The following RALGAPB variants were observed in gnomAD, a reference collection of about 807,000 sequenced individuals.
RALGAPB encodes the protein ral GTPase-activating protein subunit beta.
A neutral mutation model predicts 161.1 loss-of-function variants in RALGAPB; 25 were observed. The observed-to-expected ratio is 0.16, with a 90% CI of 0.11 to 0.22. The LOEUF (loss-of-function observed/expected upper bound fraction) is 0.22, where lower values mean the gene tolerates loss of function less well. RALGAPB is among the 10% of genes least tolerant of loss of function. The probability of loss-of-function intolerance (pLI) is 1.00; values close to 1 mark genes in which losing one functional copy is unlikely to be tolerated. For synonymous variants in RALGAPB, 629 were observed against 626.1 expected, an observed-to-expected ratio of 1.00 and a Z score of -0.07; for missense variants, 1,391 against 1,815.2, an observed-to-expected ratio of 0.77 and a Z score of 4.25.
At chr20:38,478,791 T>A (rs2084880487) in intron 1 of RALGAPB, among the ~76,000 whole-genome samples, 1 of 152,024 alleles carries the variant, frequency 6.6e-6, no homozygotes, top group Non-Finnish European at 1.5e-5. Context: ...TAATTTTGTA[T>A]TTTTAGTAGA....
chr20:38,475,119 T>C (rs980905222), intron 1 of RALGAPB, among the ~76,000 whole-genome samples: 7 of 152,214 alleles, frequency 4.6e-5, no homozygotes, highest in African/African-American at 1.7e-4. Context: ...GACGCAATCA[T>C]GTCTGTAGGG....
At chr20:38,515,608 C>A (rs1357598841) in intron 6 of RALGAPB, among the ~76,000 whole-genome samples, 3 of 151,968 alleles carry the variant, frequency 2.0e-5, no homozygotes, top group Non-Finnish European at 4.4e-5. Context: ...TAACACTAAT[C>A]CTGATTTTCA....
rs1368725442 is a variant in RALGAPB, at chr20:38,577,568, G to C, written c.*2601G>C. The C allele has an allele frequency of 6.6e-6, 1 of 152,018 alleles. No homozygotes were observed. Among genetic ancestry groups the C allele is most frequent in the Non-Finnish European group, 1.5e-5 (1 of 68,018 alleles). 9.4% of individuals were successfully genotyped at this position (152,018 alleles called of 1,614,324 possible). On this transcript the variant is annotated 3_prime_UTR_variant, in exon 30 of 30. Coordinates refer to ENST00000262879, the MANE Select transcript of RALGAPB (RefSeq NM_020336.4). ...GAGCTTTTCTCCTCCCCTCTGGTTGGGAGCACTGAGGACAGTGAGGAGGGC... is the reference window on the plus strand; with the variant it reads ...GAGCTTTTCTCCTCCCCTCTGGTTGCGAGCACTGAGGACAGTGAGGAGGGC...
intron 23 of RALGAPB, among the ~76,000 whole-genome samples, chr20:38,558,940 A>C (rs919074904): frequency 6.6e-6 from 1 of 152,174 alleles, no homozygotes; most frequent in South Asian, 2.1e-4. Flanking sequence ...AAAAAGTTTC[A>C]TTTTCATATA....
intron 28 of RALGAPB, among the ~76,000 whole-genome samples, chr20:38,572,351 T>C (rs1473895197): frequency 6.6e-6 from 1 of 152,220 alleles, no homozygotes; most frequent in Non-Finnish European, 1.5e-5. Context: ...GGTTTATAAC[T>C]CTAAGAGTTC....
intron 2 of RALGAPB, among the ~76,000 whole-genome samples, chr20:38,492,375 A>T (rs1003149803): frequency 6.6e-6 from 1 of 152,264 alleles, no homozygotes; most frequent in Non-Finnish European, 1.5e-5. Flanking sequence ...GATCTTACCC[A>T]GCTTCAATCC....
chr20:38,537,294 A>G (rs1385884780), intron 16 of RALGAPB, among the ~76,000 whole-genome samples: 1 of 151,906 alleles, frequency 6.6e-6, no homozygotes, highest in Non-Finnish European at 1.5e-5. Flanking sequence ...AGTCATACAC[A>G]CAAAAAAAAG....
intron 14 of RALGAPB, among the ~76,000 whole-genome samples, chr20:38,532,521 T>C (rs745439284): frequency 6.6e-6 from 1 of 152,222 alleles, no homozygotes; most frequent in Non-Finnish European, 1.5e-5. Context: ...TGGGCACTTG[T>C]AGTAGTACAA....
At chr20:38,492,909 T>C (rs181180554) in intron 2 of RALGAPB, 21 bp from the exon 3 acceptor site, 1 of 1,559,914 alleles carries the variant, frequency 6.4e-7, no homozygotes, top group Admixed American at 1.7e-5. Context: ...TAATTCTATA[T>C]GGATATTTTC....
At chr20:38,515,160 C>T in intron 6 of RALGAPB, among the ~76,000 whole-genome samples, 1 of 152,196 alleles carries the variant, frequency 6.6e-6, no homozygotes, top group Non-Finnish European at 1.5e-5. Context: ...GACGAATCTC[C>T]CTTCCTCTGT....
intron 12 of RALGAPB, 108 bp downstream of exon 12, chr20:38,525,626 C>A: frequency 4.4e-6 from 4 of 918,922 alleles, no homozygotes; most frequent in South Asian, 1.6e-5. Flanking sequence ...TTTTTCAATT[C>A]AAGTTATTTC....
At chr20:38,538,549 A>G (rs2086877024) in intron 16 of RALGAPB, 1 of 155,364 alleles carries the variant, frequency 6.4e-6, no homozygotes, top group African/African-American at 2.4e-5. Flanking sequence ...ACAACAAAAC[A>G]CAACAACAAA....
intron 1 of RALGAPB, among the ~76,000 whole-genome samples, chr20:38,478,647 G>A (rs991150679): frequency 1.3e-5 from 2 of 150,768 alleles, no homozygotes; most frequent in Admixed American, 6.6e-5. Context: ...ACAGAGTTTC[G>A]CTCTTGTTGT....
At chr20:38,499,732 T>C (rs879786848) in intron 5 of RALGAPB, 99 bp downstream of exon 5, 45 of 1,171,668 alleles carry the variant, frequency 3.8e-5, no homozygotes, top group Non-Finnish European at 4.8e-5. Flanking sequence ...GGGTCTGTTA[T>C]TACTGTACTT....
chr20:38,565,706 C>G (rs2087972743), intron 25 of RALGAPB, among the ~76,000 whole-genome samples: 1 of 152,094 alleles, frequency 6.6e-6, no homozygotes, highest in East Asian at 1.9e-4. Context: ...GTGAAGGAAT[C>G]CCATTTCAAC....
At position 38,493,067 on chromosome 20, in the gene RALGAPB, T is replaced by C. The variant is rs747580949; in HGVS notation, c.324T>C (p.Val108=). 21 of 1,612,180 alleles carry C rather than the reference T, an allele frequency of 1.3e-5. No homozygotes were observed. The East Asian group carries it at 4.5e-4, about 34-fold the overall frequency. ...CAAAAGATTCTATTCCATTGCCAGT[T>C]ATTAAAGAGCCTAATCAATATGTTC... ...VLPKDSIPLP[V]IKEPNQYVQT... Residue 108 remains valine (V), a synonymous_variant, in exon 3 of 30, where the codon GTT becomes GTC. Coordinates refer to ENST00000262879, the MANE Select transcript of RALGAPB (RefSeq NM_020336.4).
chr20:38,534,120 C>G (rs1600973471), intron 15 of RALGAPB, among the ~76,000 whole-genome samples: 1 of 120,626 alleles, frequency 8.3e-6, no homozygotes, highest in African/African-American at 3.3e-5. Flanking sequence ...GCCTGGGCAA[C>G]AGAGCGAGAC....
chr20:38,547,737 A>G (rs2087220348), intron 19 of RALGAPB: 1 of 152,174 alleles, frequency 6.6e-6, no homozygotes, highest in South Asian at 2.1e-4. Context: ...ATTATTGTCT[A>G]ACTTCAGAAC....
intron 9 of RALGAPB, among the ~76,000 whole-genome samples, chr20:38,518,714 G>A (rs1173706600): frequency 6.6e-6 from 1 of 152,124 alleles, no homozygotes; most frequent in African/African-American, 2.4e-5. Context: ...ATGTCTTAGA[G>A]AGCTGAAAAA....
Sources: gnomAD v4.1 joint callset for allele counts (sites outside exome capture counted in the v4.1 genomes callset) on GRCh38, gnomAD v4.1.1 for gene constraint, MANE v1.5 for transcripts, NCBI Gene and HGNC (gene_info 2026-07-23, HGNC 2026-07-21) for gene names.